Variants in GTPBP6 observed in about 807,000 individuals in gnomAD.
GTPBP6 encodes the protein putative GTP-binding protein 6.
Under a neutral mutation model 28.9 loss-of-function variants are expected in GTPBP6, and 33 were observed. That is an observed-to-expected ratio of 1.14 (90% CI 0.87 to 1.53). The LOEUF is 1.53. GTPBP6 is among the 40% of genes most tolerant of loss of function. The probability of loss-of-function intolerance (pLI) is 0.00; values close to 1 mark genes in which losing one functional copy is unlikely to be tolerated. For synonymous variants in GTPBP6, 231 were observed against 192.7 expected (o/e 1.20, Z -1.65); for missense variants, 507 against 408.3 (o/e 1.24, Z -2.08).
intron 9 of GTPBP6, among the ~76,000 whole-genome samples, chrX:305,906 G>C (rs898046995): frequency 1.3e-5 from 2 of 152,116 alleles, no homozygotes; most frequent in African/African-American, 4.8e-5. Context: ...TTACAGGTGT[G>C]AGCCACCCCA....
chrX:314,087 G>A, intron 5 of GTPBP6, 63 bp downstream of exon 5: 3 of 1,162,870 alleles, frequency 2.6e-6, no homozygotes, highest in Non-Finnish European at 3.7e-6. Flanking sequence ...GCTGAGAAGG[G>A]TGGCTGCCGC....
chrX:307,096 T>C (rs180835946), intron 9 of GTPBP6, among the ~76,000 whole-genome samples: 31 of 151,972 alleles, frequency 2.0e-4, no homozygotes, highest in African/African-American at 6.8e-4. Context: ...CAGTCAGAAA[T>C]GTACATTTTG....
chrX:318,728 G>A (rs2070485950), exon 1 of GTPBP6: 1 of 345,294 alleles, frequency 2.9e-6, no homozygotes, highest in Non-Finnish European at 5.2e-6. Context: ...GAGCCGAGCG[G>A]CCGCGGCCCA....
rs377000952 is a variant in GTPBP6, at chrX:305,194, C to T, written c.1431G>A (p.Trp477Ter). ...CCTGAACTGTGGCCTCCTTATACAG[C>T]CAGCTGGGCACAGATGCGCGTTGTA... Residue 477 changes from tryptophan to a stop codon, truncating the protein, a stop_gained, in exon 10 of 10, where the codon TGG becomes TGA. Coordinates refer to ENST00000326153, the Ensembl canonical transcript of GTPBP6. LOFTEE classifies it high-confidence loss of function. 2 of 1,612,884 alleles carry T rather than the reference C, an allele frequency of 1.2e-6. No individual in the cohort carries two copies. The highest frequency in any genetic ancestry group is 1.7e-6 in the Non-Finnish European group (2 of 1,179,052).
At chrX:315,115 C>G (rs1350648351) in intron 3 of GTPBP6, 95 bp from the exon 4 acceptor site, 5 of 398,624 alleles carry the variant, frequency 1.3e-5, no homozygotes, top group African/African-American at 6.2e-5. Flanking sequence ...TGCCTTAACC[C>G]CACCGTGTCC....
Position 314,799 on chromosome X carries a change from G to A in GTPBP6, c.689+91C>T, listed in dbSNP as rs1407339294. On this transcript the variant is annotated intron_variant, in intron 4 of 9. Transcript: ENST00000326153. The stretch of plus-strand genomic sequence containing the variant: ...CCCCCATGGTGCTTTTCTTCCTCAC[G>A]CACCCCCAGAACGCCCTACAGGTGA... 77 of 409,812 alleles carry A rather than the reference G, an allele frequency of 1.9e-4. No homozygotes were observed. The Admixed American group carries it at 2.2e-3, about 12-fold the overall frequency. 25.4% of individuals were successfully genotyped at this position (409,812 alleles called of 1,614,324 possible). A position where few individuals can be genotyped will look rare whatever the true frequency, so the allele number is the denominator to read the frequency against.
At chrX:304,835 T>G (rs892854247) in exon 10 of GTPBP6, 7 of 1,400,840 alleles carry the variant, frequency 5.0e-6, no homozygotes, top group African/African-American at 1.5e-5. Flanking sequence ...GAGGGCCCAC[T>G]GGAATTGTGT....
chrX:307,131 G>A (rs1314953164), intron 9 of GTPBP6, among the ~76,000 whole-genome samples: 1 of 151,984 alleles, frequency 6.6e-6, no homozygotes, highest in Admixed American at 6.5e-5. Flanking sequence ...TTAGGCACCT[G>A]TTGTATGCAC....
chrX:310,774 G>A (rs2070270114), intron 7 of GTPBP6, among the ~76,000 whole-genome samples: 1 of 151,800 alleles, frequency 6.6e-6, no homozygotes, highest in African/African-American at 2.4e-5. Flanking sequence ...TTCTGGAACT[G>A]TGGTAGAGCT....
chrX:313,973 C>T (rs1221866143), intron 5 of GTPBP6, among the ~76,000 whole-genome samples, 177 bp downstream of exon 5: 1 of 152,070 alleles, frequency 6.6e-6, no homozygotes, highest in Non-Finnish European at 1.5e-5. Flanking sequence ...CCAGCCAGCC[C>T]CCACCCTGTT....
chrX:307,270 G>A, intron 9 of GTPBP6, 90 bp downstream of exon 9: 1 of 1,220,800 alleles, frequency 8.2e-7, no homozygotes. Context: ...GGATCTCACA[G>A]CTCCTTGTGC....
At chrX:317,569 T>TGGGGGTGGGGG (rs1187572118) in intron 1 of GTPBP6, among the ~76,000 whole-genome samples, 18 of 117,654 alleles carry the variant, frequency 1.5e-4, no homozygotes, top group African/African-American at 5.4e-4. Context: ...GGGTGGGGGG[T>TGGGGGTGGGGG]GGGACTAGAC....
intron 2 of GTPBP6, 23 bp downstream of exon 2, chrX:316,891 G>C: frequency 2.5e-6 from 1 of 398,648 alleles, no homozygotes; most frequent in Non-Finnish European, 4.4e-6. Context: ...GTTTGGGGAA[G>C]GAGCAGGTCT....
At chrX:310,988 C>G (rs1602960794) in intron 7 of GTPBP6, among the ~76,000 whole-genome samples, 1 of 152,124 alleles carries the variant, frequency 6.6e-6, no homozygotes, top group South Asian at 2.1e-4. Flanking sequence ...CGGGAACACG[C>G]TTATGTGTTC....
At chrX:305,054 A>C (rs1267131867) in exon 10 of GTPBP6, 11 of 1,610,630 alleles carry the variant, frequency 6.8e-6, no homozygotes, top group Non-Finnish European at 9.3e-6. Context: ...CCCACCCCGC[A>C]GGCCTCTGTG....
intron 2 of GTPBP6, among the ~76,000 whole-genome samples, chrX:316,547 C>A (rs1229976256): frequency 2.7e-3 from 413 of 152,252 alleles, no homozygotes; most frequent in African/African-American, 9.1e-3. Context: ...TGCTGGACCC[C>A]ACCCTAAGAG....
intron 9 of GTPBP6, 135 bp downstream of exon 9, chrX:307,225 C>T: frequency 1.4e-6 from 1 of 738,712 alleles, no homozygotes; most frequent in Non-Finnish European, 2.2e-6. Context: ...TGATGCAAAC[C>T]CATTCATCTC....
intron 6 of GTPBP6, 122 bp from the exon 7 acceptor site, chrX:311,749 G>T (rs1385448915): frequency 2.5e-6 from 2 of 801,092 alleles, no homozygotes; most frequent in South Asian, 1.5e-5. Flanking sequence ...CGGGCTACAC[G>T]GTCCCTGAGC....
intron 7 of GTPBP6, among the ~76,000 whole-genome samples, 158 bp downstream of exon 7, chrX:311,261 C>T (rs113152546): frequency 0.042 from 3,191 of 75,748 alleles, 283 homozygotes; most frequent in African/African-American, 0.14. Context: ...AGTGGGTGTC[C>T]GAGGGCCTGG....
Sources: gnomAD v4.1 joint callset for allele counts (sites outside exome capture counted in the v4.1 genomes callset) on GRCh38, gnomAD v4.1.1 for gene constraint, MANE v1.5 for transcripts, NCBI Gene and HGNC (gene_info 2026-07-23, HGNC 2026-07-21) for gene names.